The following BEND7 variants were observed in gnomAD, a reference collection of about 807,000 sequenced individuals.
BEND7 encodes the protein BEN domain-containing protein 7.
In BEND7, 28 loss-of-function variants were observed where a neutral mutation model predicts 50.9. That is an observed-to-expected ratio of 0.55 (90% CI 0.41 to 0.75). BEND7 has a LOEUF of 0.75. Ranked by LOEUF, BEND7 falls within the 30% of genes least tolerant of loss-of-function variation. The pLI, the probability that BEND7 is intolerant of heterozygous loss-of-function variation, is 0.00. For missense variants in BEND7, 477 were observed against 491.3 expected (o/e 0.97, Z 0.28); for synonymous variants, 170 against 183.9 (o/e 0.92, Z 0.61).
intron 5 of BEND7, among the ~76,000 whole-genome samples, chr10:13,484,706 C>T (rs562184791): frequency 1.3e-5 from 2 of 152,306 alleles, no homozygotes; most frequent in South Asian, 2.1e-4. Flanking sequence ...GATGTCTAAA[C>T]GAACAGTTCA....
downstream of BEND7, among the ~76,000 whole-genome samples, chr10:13,440,693 G>A (rs2130785574): frequency 1.3e-5 from 2 of 152,364 alleles, no homozygotes; most frequent in South Asian, 4.1e-4. Context: ...CGATTCTGCG[G>A]CTGCAGCCGC....
intron 1 of BEND7, among the ~76,000 whole-genome samples, chr10:13,527,489 G>A (rs999138617): frequency 1.3e-5 from 2 of 152,206 alleles, no homozygotes; most frequent in Non-Finnish European, 2.9e-5. Context: ...GACTTCTGCA[G>A]GTTGTTGGAG....
Position 13,481,066 on chromosome 10 carries a change from G to T in BEND7, c.896C>A (p.Ser299Tyr). 5.0e-6 allele frequency: 8 copies of T among 1,614,062 alleles called. No homozygotes were observed. The highest frequency in any genetic ancestry group is 6.8e-6 in the Non-Finnish European group (8 of 1,180,002). Residue 299 changes from serine to tyrosine, a missense_variant, in exon 6 of 9, where the codon TCT (serine) becomes TAT (tyrosine). Around this residue, in one of 3 missense-constraint regions of BEND7, gnomAD observed 396 missense variants for 384.2 expected, o/e 1.03. Transcript: ENST00000466271. ...DVFMPKSQLD[S>Y]ILSNYTRSGS... The stretch of plus-strand genomic sequence containing the variant: ...TGAGCGAGTGTAGTTTGACAATATA[G>T]AGTCCAGCTGAGATTTAGGCATAAA...
In BEND7 at chr10:13,499,776, A is replaced by G. The variant is rs2077306127; in HGVS notation, c.448+2T>C. ...CTTCTGAATGTTTGTTGACAACCAT[A>G]CCATTGGAGCTCGTGGTAGGGTGGG... On this transcript the variant is annotated splice_donor_variant, in intron 3 of 8. Coordinates refer to ENST00000466271, the MANE Select transcript of BEND7 (RefSeq NM_001369863.1). LOFTEE classifies it high-confidence loss of function. 3.8e-6 allele frequency: 6 copies of G among 1,599,054 alleles called. No homozygotes were observed. In the East Asian group the frequency reaches 1.3e-4, roughly 36 times the overall value.
At position 13,528,564 on chromosome 10, in the gene BEND7, G is replaced by A. The variant is rs1201947923; in HGVS notation, c.-31C>T. On this transcript the variant is annotated 5_prime_UTR_variant, in exon 1 of 9. Transcript: ENST00000466271. The stretch of plus-strand genomic sequence containing the variant: ...GGGGAAGGCGGCGGCGGGGGCTGAG[G>A]AGGCGGCGGCAGCGGCGGCAGCGGC... The A allele has an allele frequency of 3.1e-6, 3 of 970,164 alleles. No individual in the cohort carries two copies. Among genetic ancestry groups the A allele is most frequent in the African/African-American group, 2.0e-5 (1 of 49,126 alleles). 60.1% of individuals were successfully genotyped at this position (970,164 alleles called of 1,614,324 possible).
At chr10:13,474,480 T>G (rs534854337) in intron 6 of BEND7, among the ~76,000 whole-genome samples, 1 of 152,214 alleles carries the variant, frequency 6.6e-6, no homozygotes, top group East Asian at 1.9e-4. Context: ...GTCATCACTG[T>G]TACACTCGGG....
At chr10:13,502,063 G>GTA (rs35889301) in intron 2 of BEND7, among the ~76,000 whole-genome samples, 46,849 of 150,772 alleles carry the variant, frequency 0.31, 8,856 homozygotes, top group East Asian at 0.66. Flanking sequence ...ATAAGGATAT[G>GTA]TATATATATA....
At chr10:13,480,507 T>C (rs2075778503) in intron 6 of BEND7, 1 of 551,682 alleles carries the variant, frequency 1.8e-6, no homozygotes, top group Non-Finnish European at 2.3e-6. Context: ...AGAACCATTT[T>C]ACTTTATCTT....
In BEND7 at chr10:13,452,530, T is replaced by C. The variant is rs1479037315; in HGVS notation, c.1183+9A>G. 1 of 1,598,654 alleles carries C rather than the reference T, an allele frequency of 6.3e-7. No individual in the cohort carries two copies. The highest frequency in any genetic ancestry group is 8.5e-7 in the Non-Finnish European group (1 of 1,174,006). On this transcript the variant is annotated intron_variant, in intron 7 of 8. Coordinates refer to ENST00000466271, the MANE Select transcript of BEND7 (RefSeq NM_001369863.1). ...CTTCTCCAATTATTTTTCTGCACCTTAGTCATACCTGAGCCTCTTTTTAAC... is the reference window on the plus strand; with the variant it reads ...CTTCTCCAATTATTTTTCTGCACCTCAGTCATACCTGAGCCTCTTTTTAAC...
chr10:13,518,278 C>G (rs1192546925), intron 2 of BEND7, among the ~76,000 whole-genome samples: 1 of 146,698 alleles, frequency 6.8e-6, no homozygotes, highest in Non-Finnish European at 1.5e-5. Flanking sequence ...CCCATGCGGG[C>G]CGTGGCGAGC....
intron 2 of BEND7, among the ~76,000 whole-genome samples, chr10:13,521,107 A>G (rs2079049544): frequency 6.6e-6 from 1 of 150,682 alleles, no homozygotes; most frequent in Admixed American, 6.6e-5. Context: ...GCAGAGGCCC[A>G]CAGAGGAATG....
At chr10:13,459,126 C>T (rs1839668720) in intron 6 of BEND7, among the ~76,000 whole-genome samples, 2 of 152,290 alleles carry the variant, frequency 1.3e-5, no homozygotes, top group African/African-American at 4.8e-5. Context: ...GAATGGTAAA[C>T]AAACAAAGCC....
At chr10:13,524,639 C>T (rs2079312445) in intron 2 of BEND7, among the ~76,000 whole-genome samples, 1 of 88,808 alleles carries the variant, frequency 1.1e-5, no homozygotes, top group Non-Finnish European at 2.3e-5. Flanking sequence ...AGTGAACCTC[C>T]GTCTCAAAAA....
chr10:13,485,202 T>C (rs1441815005), intron 5 of BEND7, among the ~76,000 whole-genome samples: 1 of 152,178 alleles, frequency 6.6e-6, no homozygotes, highest in East Asian at 1.9e-4. Flanking sequence ...ATCATGCTAG[T>C]TAACCACCGA....
intron 4 of BEND7, among the ~76,000 whole-genome samples, chr10:13,495,288 G>A (rs899165772): frequency 6.6e-6 from 1 of 152,192 alleles, no homozygotes; most frequent in Non-Finnish European, 1.5e-5. Context: ...ACAGATTATC[G>A]TAGTGGAACA....
chr10:13,507,852 C>T (rs1274023119), intron 2 of BEND7, among the ~76,000 whole-genome samples: 1 of 152,184 alleles, frequency 6.6e-6, no homozygotes, highest in Non-Finnish European at 1.5e-5. Context: ...TGCTTTAAAA[C>T]TCCTTGCATT....
At chr10:13,492,978 G>T in intron 4 of BEND7, 102 bp from the exon 5 acceptor site, 1 of 1,359,304 alleles carries the variant, frequency 7.4e-7, no homozygotes. Flanking sequence ...ACCGAAACGA[G>T]GAAAACTCCA....
chr10:13,496,298 C>G (rs553444545), intron 4 of BEND7, among the ~76,000 whole-genome samples: 1 of 152,270 alleles, frequency 6.6e-6, no homozygotes, highest in African/African-American at 2.4e-5. Context: ...GCAGTGAAAA[C>G]AAAAAGGAGT....
At chr10:13,483,356 T>A (rs553249488) in intron 5 of BEND7, among the ~76,000 whole-genome samples, 3 of 152,216 alleles carry the variant, frequency 2.0e-5, no homozygotes, top group Non-Finnish European at 4.4e-5. Context: ...GAACTCTGTT[T>A]ACAGCACTTT....
Sources: gnomAD v4.1 joint callset for allele counts (sites outside exome capture counted in the v4.1 genomes callset) on GRCh38, gnomAD v4.1.1 for gene constraint, gnomAD v4.1.1 regional missense constraint, MANE v1.5 for transcripts, NCBI Gene and HGNC (gene_info 2026-07-23, HGNC 2026-07-21) for gene names.